SHISAL1: variants seen among roughly 807,000 people sequenced by gnomAD.
SHISAL1 encodes protein shisa-like-1.
Under a neutral mutation model 22.6 loss-of-function variants are expected in SHISAL1, and 9 were observed. The ratio of observed to expected loss-of-function variants is 0.40; its 90% confidence interval spans 0.24 to 0.70. SHISAL1 has a LOEUF of 0.70. Ranked by LOEUF, SHISAL1 falls within the 30% of genes least tolerant of loss-of-function variation. The pLI is 0.39. For missense variants in SHISAL1, 246 were observed against 270.6 expected, an observed-to-expected ratio of 0.91 and a Z score of 0.64; for synonymous variants, 119 against 115.4, an observed-to-expected ratio of 1.03 and a Z score of -0.20.
intron 4 of SHISAL1, among the ~76,000 whole-genome samples, chr22:44,261,070 C>A (rs1291572075): frequency 5.3e-5 from 4 of 75,420 alleles, no homozygotes; most frequent in Non-Finnish European, 1.0e-4. Context: ...GTGTTTGCTT[C>A]ATTACTTTAT....
chr22:44,277,336 G>T (rs1319244685), intron 4 of SHISAL1, among the ~76,000 whole-genome samples: 1 of 152,204 alleles, frequency 6.6e-6, no homozygotes. Flanking sequence ...GGTGAGGAGG[G>T]GCAAGCTGCC....
chr22:44,279,901 T>G (rs896266083), intron 4 of SHISAL1, among the ~76,000 whole-genome samples: 25 of 152,210 alleles, frequency 1.6e-4, no homozygotes, highest in Non-Finnish European at 3.4e-4. Context: ...CATCAGAATT[T>G]GCAAACCCAA....
chr22:44,325,238 G>A, the SHISAL1 span, among the ~76,000 whole-genome samples: 7 of 141,160 alleles, frequency 5.0e-5, no homozygotes, highest in South Asian at 1.1e-3. Flanking sequence ...GAGAGACTCC[G>A]TCTCAAAAGA....
the SHISAL1 span, among the ~76,000 whole-genome samples, chr22:44,329,450 C>T: frequency 6.8e-6 from 1 of 146,274 alleles, no homozygotes; most frequent in Admixed American, 6.8e-5. Flanking sequence ...GACACACACA[C>T]ACACACACAC....
chr22:44,260,066 C>T (rs1384286718), intron 4 of SHISAL1, among the ~76,000 whole-genome samples: 1 of 152,144 alleles, frequency 6.6e-6, no homozygotes, highest in African/African-American at 2.4e-5. Context: ...ACGGCGCCCT[C>T]CAGACTACCC....
the SHISAL1 span, among the ~76,000 whole-genome samples, chr22:44,327,238 GCGCACACACACACA>G: frequency 1.9e-3 from 189 of 101,222 alleles, no homozygotes; most frequent in African/African-American, 7.0e-3. Context: ...AGTGGGGGGC[GCGCACACACACACA>G]CACACACACA....
At chr22:44,311,549 G>A (rs2055518534) in intron 1 of SHISAL1, among the ~76,000 whole-genome samples, 1 of 152,208 alleles carries the variant, frequency 6.6e-6, no homozygotes, top group Non-Finnish European at 1.5e-5. Flanking sequence ...GGCCAGTTCT[G>A]CACCCATCAA....
the SHISAL1 span, among the ~76,000 whole-genome samples, chr22:44,324,810 G>C: frequency 1.3e-5 from 2 of 152,178 alleles, no homozygotes; most frequent in African/African-American, 4.8e-5. Flanking sequence ...TGAGGATAGG[G>C]CTCATCTCAG....
the SHISAL1 span, among the ~76,000 whole-genome samples, chr22:44,318,565 C>T: frequency 6.6e-6 from 1 of 152,180 alleles, no homozygotes; most frequent in Non-Finnish European, 1.5e-5. Context: ...TGTGACTTAG[C>T]CTCTCTGGAC....
chr22:44,268,166 CT>C (rs915657609), intron 4 of SHISAL1, among the ~76,000 whole-genome samples: 4 of 152,206 alleles, frequency 2.6e-5, no homozygotes, highest in African/African-American at 9.7e-5. Context: ...ATTTTTAATG[CT>C]GCTTTGGTAA....
In SHISAL1 at chr22:44,246,399, C is replaced by G. The variant is rs2147262560; in HGVS notation, c.*3286G>C. Reference sequence around the variant, plus strand: ...TTTGTATTATTATTATTACAAATTACATGGTGATGGACAGAAGCTCACAGT... The same window carrying G: ...TTTGTATTATTATTATTACAAATTAGATGGTGATGGACAGAAGCTCACAGT... On this transcript the variant is annotated 3_prime_UTR_variant, in exon 5 of 5. Transcript: ENST00000381176. 6.6e-6 allele frequency: 1 copy of G among 152,286 alleles called. No homozygotes were observed. The highest frequency in any genetic ancestry group is 2.1e-4 in the South Asian group (1 of 4,824). 9.4% of individuals were successfully genotyped at this position (152,286 alleles called of 1,614,324 possible).
intron 4 of SHISAL1, among the ~76,000 whole-genome samples, chr22:44,260,247 ATAAAGTCACTT>A (rs934509132): frequency 6.6e-6 from 1 of 152,222 alleles, no homozygotes; most frequent in African/African-American, 2.4e-5. Context: ...AAGCTCTGGA[ATAAAGTCACTT>A]TCTTTCTACT....
intron 4 of SHISAL1, among the ~76,000 whole-genome samples, chr22:44,269,997 C>T (rs868697334): frequency 2.0e-5 from 3 of 152,192 alleles, no homozygotes; most frequent in South Asian, 4.1e-4. Flanking sequence ...CTTTGTGGGT[C>T]CTGCCTGCAC....
rs1468109162 is a variant in SHISAL1, at chr22:44,243,792, G to A, written c.*5893C>T. 2 of 152,204 alleles carry A rather than the reference G, an allele frequency of 1.3e-5. No individual in the cohort carries two copies. The highest frequency in any genetic ancestry group is 2.1e-4 in the South Asian group (1 of 4,834). 9.4% of individuals were successfully genotyped at this position (152,204 alleles called of 1,614,324 possible). On this transcript the variant is annotated 3_prime_UTR_variant, in exon 5 of 5. Coordinates refer to ENST00000381176, the MANE Select transcript of SHISAL1 (RefSeq NM_001099294.2). ...AACACATGATTATTCTTACATTCTA[G>A]TATTATTATTAGGAATATTATTGGT...
intron 3 of SHISAL1, among the ~76,000 whole-genome samples, chr22:44,292,959 A>G (rs1404581502): frequency 6.6e-6 from 1 of 152,210 alleles, no homozygotes; most frequent in Non-Finnish European, 1.5e-5. Flanking sequence ...GCCTCAAGCC[A>G]TTTAAGGCCC....
At chr22:44,271,466 G>C (rs971259564) in intron 4 of SHISAL1, among the ~76,000 whole-genome samples, 8 of 152,230 alleles carry the variant, frequency 5.3e-5, no homozygotes, top group African/African-American at 1.9e-4. Context: ...CAGGGAGTGA[G>C]CACCCTCCAG....
chr22:44,276,617 G>A (rs1012644029), intron 4 of SHISAL1, among the ~76,000 whole-genome samples: 5 of 152,200 alleles, frequency 3.3e-5, no homozygotes, highest in African/African-American at 1.2e-4. Context: ...TGGAACACGT[G>A]AAGCAGGAAA....
At chr22:44,264,571 C>T (rs1056331456) in intron 4 of SHISAL1, among the ~76,000 whole-genome samples, 12 of 152,244 alleles carry the variant, frequency 7.9e-5, no homozygotes, top group African/African-American at 2.2e-4. Flanking sequence ...TAGTCACTCT[C>T]AGGGGATGTC....
intron 1 of SHISAL1, among the ~76,000 whole-genome samples, chr22:44,312,409 C>G (rs1489103605): frequency 6.6e-6 from 1 of 152,172 alleles, no homozygotes; most frequent in Non-Finnish European, 1.5e-5. Context: ...TCTCTCCAAC[C>G]CCTCTCTATG....
Sources: gnomAD v4.1 joint callset for allele counts (sites outside exome capture counted in the v4.1 genomes callset) on GRCh38, gnomAD v4.1.1 for gene constraint, MANE v1.5 for transcripts, NCBI Gene and HGNC (gene_info 2026-07-23, HGNC 2026-07-21) for gene names.